Variants in BRD7 observed in about 807,000 individuals in gnomAD.
The protein encoded by BRD7 is bromodomain containing 7, also known as bromodomain-containing protein 7.
In BRD7, 15 loss-of-function variants were observed where a neutral mutation model predicts 82.1. The observed-to-expected ratio is 0.18, with a 90% CI of 0.12 to 0.28. The LOEUF is 0.28. Among genes scored for constraint, BRD7 ranks in the 10% least tolerant of loss-of-function variants. The pLI is 1.00. For missense variants in BRD7, 638 were observed against 779.9 expected (o/e 0.82, Z 2.17); for synonymous variants, 232 against 266.9 (o/e 0.87, Z 1.27).
At chr16:50,348,368 A>G (rs1315186608) in intron 5 of BRD7, among the ~76,000 whole-genome samples, 1 of 152,228 alleles carries the variant, frequency 6.6e-6, no homozygotes, top group Non-Finnish European at 1.5e-5. Flanking sequence ...CTTCATGACT[A>G]AAACACCAAA....
intron 2 of BRD7, among the ~76,000 whole-genome samples, chr16:50,365,544 A>G (rs1231537525): frequency 6.6e-6 from 1 of 152,242 alleles, no homozygotes; most frequent in East Asian, 1.9e-4. Context: ...GAGACAGGGC[A>G]GGGAGCAAAA....
intron 5 of BRD7, among the ~76,000 whole-genome samples, chr16:50,345,471 A>G (rs4027483): frequency 0.28 from 39,135 of 139,860 alleles, 5,192 homozygotes; most frequent in African/African-American, 0.41. Flanking sequence ...GACACAGACT[A>G]GCAAATTGGA....
intron 5 of BRD7, among the ~76,000 whole-genome samples, chr16:50,340,636 T>C (rs1178008805): frequency 6.6e-6 from 1 of 152,216 alleles, no homozygotes; most frequent in African/African-American, 2.4e-5. Flanking sequence ...CTTTTATGTG[T>C]TTGGATACTA....
intron 5 of BRD7, among the ~76,000 whole-genome samples, chr16:50,347,029 A>G (rs1200223570): frequency 6.6e-6 from 1 of 152,190 alleles, no homozygotes; most frequent in African/African-American, 2.4e-5. Flanking sequence ...CTGGCAAACC[A>G]AATCCAGCAG....
At position 50,368,978 on chromosome 16, in the gene BRD7, G is replaced by GC. The variant is rs1363294990; in HGVS notation, c.-205dup. 1.4e-5 allele frequency: 2 copies of GC among 143,608 alleles called. No individual in the cohort carries two copies. Among genetic ancestry groups the GC allele is most frequent in the Admixed American group, 7.0e-5 (1 of 14,372 alleles). The allele number at this position is 143,608 out of a possible 1,614,324, so 8.9% of individuals were successfully genotyped here. A position where few individuals can be genotyped will look rare whatever the true frequency, so the allele number is the denominator to read the frequency against. On this transcript the variant is annotated 5_prime_UTR_variant, in exon 1 of 17. Transcript: ENST00000394688. ...ACCCGGCCGGAGCCCGAGAGCGGCG[G>GC]CGGGGGGGGCGCGCGGCCGGCGCAG...
chr16:50,320,665 T>G lies in BRD7; in HGVS notation c.1610A>C (p.Glu537Ala). 6.2e-7 allele frequency: 1 copy of G among 1,611,122 alleles called. No individual in the cohort carries two copies. Among genetic ancestry groups the G allele is most frequent in the South Asian group, 1.1e-5 (1 of 91,028 alleles). Residue 537 changes from glutamate (E) to alanine (A), a missense_variant and splice_region_variant, in exon 14 of 17, where the codon GAA becomes GCA. Glu to Ala is a moderately radical substitution (Grantham distance 107, BLOSUM62 -1). Coordinates refer to ENST00000394688, the MANE Select transcript of BRD7 (RefSeq NM_013263.5). Reference sequence around the variant, plus strand: ...TCAAACCCTCTGGAGACACTTACCTTCAGAGTCAAAAACTTCAACTGGAAC... The same window carrying G: ...TCAAACCCTCTGGAGACACTTACCTGCAGAGTCAAAAACTTCAACTGGAAC... The part of the protein sequence containing the change: ...FGVPVEVFDS[E>A]EAEIFQKKLD...
intron 13 of BRD7, among the ~76,000 whole-genome samples, chr16:50,321,510 T>C (rs923349735): frequency 1.5e-5 from 2 of 129,656 alleles, no homozygotes; most frequent in African/African-American, 6.0e-5. Flanking sequence ...GAGGTTGTAG[T>C]GAGCCGAGAT....
intron 2 of BRD7, among the ~76,000 whole-genome samples, chr16:50,358,299 TG>T (rs1435346043): frequency 1.1e-5 from 1 of 93,930 alleles, no homozygotes; most frequent in African/African-American, 3.9e-5. Context: ...CCGAGGTGGG[TG>T]GATCACTTGA....
intron 1 of BRD7, 175 bp downstream of exon 1, chr16:50,368,551 G>A: frequency 1.3e-6 from 1 of 742,562 alleles, no homozygotes. Flanking sequence ...ACCCGGGTTC[G>A]AATGCCGCGG....
In BRD7 at chr16:50,318,921, G is replaced by C; in HGVS notation, c.*290C>G. On this transcript the variant is annotated 3_prime_UTR_variant, in exon 17 of 17. Coordinates refer to ENST00000394688, the MANE Select transcript of BRD7 (RefSeq NM_013263.5). The stretch of plus-strand genomic sequence containing the variant: ...CACTGGATGGGGCCGTTTTAAGAAC[G>C]CTTCTTAGTGATGATCCTGTCTGTG... The C allele has an allele frequency of 3.4e-6, 1 of 293,856 alleles. No homozygotes were observed. The allele number at this position is 293,856 out of a possible 1,614,324, so 18.2% of individuals were successfully genotyped here. A position where few individuals can be genotyped will look rare whatever the true frequency, so the allele number is the denominator to read the frequency against.
intron 13 of BRD7, among the ~76,000 whole-genome samples, chr16:50,321,645 C>T (rs2037119227): frequency 6.7e-6 from 1 of 149,972 alleles, no homozygotes; most frequent in Non-Finnish European, 1.5e-5. Flanking sequence ...TTTCCATAAC[C>T]TCAACATTAC....
At chr16:50,366,400 GAAGTA>G (rs1281221118) in intron 2 of BRD7, among the ~76,000 whole-genome samples, 1 of 152,308 alleles carries the variant, frequency 6.6e-6, no homozygotes, top group African/African-American at 2.4e-5. Flanking sequence ...AATAAAAAAG[GAAGTA>G]AAGAACTCAA....
At chr16:50,366,309 G>C (rs1030816555) in intron 2 of BRD7, among the ~76,000 whole-genome samples, 2 of 152,184 alleles carry the variant, frequency 1.3e-5, no homozygotes, top group Admixed American at 1.3e-4. Flanking sequence ...AGCAGGTGAA[G>C]GAGAGTCCCA....
At chr16:50,346,781 CA>C (rs975858333) in intron 5 of BRD7, among the ~76,000 whole-genome samples, 4 of 151,912 alleles carry the variant, frequency 2.6e-5, no homozygotes, top group African/African-American at 7.2e-5. Flanking sequence ...GCCTACCAAC[CA>C]AAAAAAGTCC....
intron 12 of BRD7, among the ~76,000 whole-genome samples, chr16:50,323,057 G>A (rs1296532537): frequency 1.3e-5 from 2 of 152,192 alleles, no homozygotes; most frequent in African/African-American, 4.8e-5. Context: ...ACTCTCTTCT[G>A]TATCAGTAGG....
rs879146695 is a variant in BRD7 at position 50,325,758 on chromosome 16, T to C, written c.1321A>G (p.Ser441Gly). ...TAACTGGAAACTCACCTGAAATCAC[T>C]TGGAAGATCAGAGTCTTCCCCATAG... ...STYGEDSDLP[S>G]DFSIHEFLAT... The change falls in exon 11 of 17, where the codon AGT (serine) becomes GGT (glycine). Residue 441 changes from serine to glycine, a missense_variant. Physicochemically the swap from Ser to Gly is moderately conservative, Grantham distance 56. Around this residue, in one of 3 missense-constraint regions of BRD7, gnomAD observed 402 missense variants for 500.8 expected, o/e 0.80. Coordinates refer to ENST00000394688, the MANE Select transcript of BRD7 (RefSeq NM_013263.5). 1 of 1,592,884 alleles carries C rather than the reference T, an allele frequency of 6.3e-7. No homozygotes were observed. Among genetic ancestry groups the C allele is most frequent in the Non-Finnish European group, 8.5e-7 (1 of 1,174,758 alleles).
At chr16:50,329,959 C>G (rs1480597598) in intron 8 of BRD7, among the ~76,000 whole-genome samples, 2 of 152,194 alleles carry the variant, frequency 1.3e-5, no homozygotes, top group South Asian at 2.1e-4. Flanking sequence ...GGCTGTCCCC[C>G]CTTCCTCTTG....
At chr16:50,327,988 TTTCA>T (rs1463920657) in intron 9 of BRD7, among the ~76,000 whole-genome samples, 3 of 126,532 alleles carry the variant, frequency 2.4e-5, no homozygotes, top group Admixed American at 8.8e-5. Context: ...CAATTACTTC[TTTCA>T]TTATGACAGT....
intron 10 of BRD7, 142 bp downstream of exon 10, chr16:50,326,142 G>T: frequency 1.3e-6 from 1 of 748,220 alleles, no homozygotes; most frequent in South Asian, 1.8e-5. Context: ...CTCTTCTGAA[G>T]TTAATAAAAT....
Sources: allele counts gnomAD v4.1 joint callset (sites outside exome capture counted in the v4.1 genomes callset), GRCh38; gene constraint gnomAD v4.1.1; regional missense constraint gnomAD v4.1.1; transcripts MANE v1.5; gene names NCBI Gene and HGNC (gene_info 2026-07-23, HGNC 2026-07-21).